The following ABCB1 variants were observed in gnomAD, a reference collection of about 807,000 sequenced individuals.
ABCB1 encodes ATP-dependent translocase ABCB1.
Under a neutral mutation model 142.0 loss-of-function variants are expected in ABCB1, and 69 were observed. The ratio of observed to expected loss-of-function variants is 0.49; its 90% confidence interval spans 0.40 to 0.59. The LOEUF is 0.59. Among genes scored for constraint, ABCB1 ranks in the 20% least tolerant of loss-of-function variants. The probability of loss-of-function intolerance (pLI) is 0.00; values close to 1 mark genes in which losing one functional copy is unlikely to be tolerated. For synonymous variants in ABCB1, 532 were observed against 539.2 expected, an observed-to-expected ratio of 0.99 and a Z score of 0.18; for missense variants, 1,326 against 1,554.7, an observed-to-expected ratio of 0.85 and a Z score of 2.47.
intron 1 of ABCB1, among the ~76,000 whole-genome samples, chr7:87,710,348 AAGTT>A (rs201032768): frequency 0.015 from 2,305 of 152,272 alleles, 26 homozygotes; most frequent in Admixed American, 0.022. Flanking sequence ...AGAGGATAGA[AAGTT>A]AGTTTGACAT....
intron 21 of ABCB1, among the ~76,000 whole-genome samples, chr7:87,529,230 G>GT (rs1266541782): frequency 6.6e-6 from 1 of 152,160 alleles, no homozygotes; most frequent in East Asian, 1.9e-4. Flanking sequence ...TGAATCTTGG[G>GT]TTTCATTATC....
chr7:87,518,285 G>A (rs1448740826), intron 23 of ABCB1, among the ~76,000 whole-genome samples: 3 of 152,164 alleles, frequency 2.0e-5, no homozygotes, highest in Non-Finnish European at 4.4e-5. Flanking sequence ...CTGTTCTTCA[G>A]ACAGGTCTTC....
intron 1 of ABCB1, among the ~76,000 whole-genome samples, chr7:87,693,538 T>C (rs1266517405): frequency 6.6e-6 from 1 of 152,174 alleles, no homozygotes; most frequent in African/African-American, 2.4e-5. Flanking sequence ...AGTTCTGAGG[T>C]GCATCGCCAG....
chr7:87,667,187 G>GTAGAGA (rs1825342710), intron 1 of ABCB1, among the ~76,000 whole-genome samples: 1 of 152,010 alleles, frequency 6.6e-6, no homozygotes, highest in South Asian at 2.1e-4. Context: ...AATTCTCATT[G>GTAGAGA]TAGAGATTTT....
At chr7:87,587,683 A>G (rs1316459199) in intron 3 of ABCB1, among the ~76,000 whole-genome samples, 2 of 152,052 alleles carry the variant, frequency 1.3e-5, no homozygotes, top group Admixed American at 1.3e-4. Flanking sequence ...CATCCTGGCT[A>G]ACACAGTGAA....
intron 1 of ABCB1, among the ~76,000 whole-genome samples, chr7:87,632,135 A>G (rs1821285610): frequency 6.6e-6 from 1 of 151,522 alleles, no homozygotes; most frequent in Non-Finnish European, 1.5e-5. Context: ...AGTCACCAGC[A>G]TATATCATTC....
intron 21 of ABCB1, among the ~76,000 whole-genome samples, chr7:87,523,258 A>T (rs557852126): frequency 1.3e-5 from 2 of 152,312 alleles, no homozygotes; most frequent in African/African-American, 4.8e-5. Flanking sequence ...GACTACAAGC[A>T]CATGGCACTA....
intron 1 of ABCB1, among the ~76,000 whole-genome samples, chr7:87,684,679 C>T (rs1827270174): frequency 7.7e-6 from 1 of 129,174 alleles, no homozygotes; most frequent in South Asian, 2.6e-4. Flanking sequence ...ACCCAGGAGG[C>T]AGAGATTGCA....
Position 87,683,063 on chromosome 7 carries a change from A to T in ABCB1, c.-331+30098T>A, listed in dbSNP as rs568175863. On this transcript the variant is annotated intron_variant, in intron 1 of 28. Coordinates refer to the ABCB1 transcript ENST00000265724. ...TTCACCTTTTTGTTTTATTATTATT[A>T]TTTTTTTATGTACAGAGATGGCTTT... Among the ~76,000 whole-genome samples, 53 of 152,134 alleles carry T rather than the reference A, an allele frequency of 3.5e-4. No homozygotes were observed. In the South Asian group the frequency reaches 7.5e-3, roughly 22 times the overall value.
chr7:87,664,842 T>C (rs1825071896), intron 1 of ABCB1, among the ~76,000 whole-genome samples: 1 of 152,132 alleles, frequency 6.6e-6, no homozygotes, highest in Non-Finnish European at 1.5e-5. Flanking sequence ...GTTCCTAGAT[T>C]TGGGGAAGAT....
rs200792548 is a variant in ABCB1, at chr7:87,515,221, G to T, written c.3282+10C>A. 3 of 1,612,998 alleles carry T rather than the reference G, an allele frequency of 1.9e-6. No homozygotes were observed. Among genetic ancestry groups the T allele is most frequent in the Non-Finnish European group, 2.5e-6 (3 of 1,179,918 alleles). Reference sequence around the variant, plus strand: ...AACCTGAACTGAGCTAAATGTGAAAGTGTGCTCACCACTTTCCCTGCCAAG... The same window carrying T: ...AACCTGAACTGAGCTAAATGTGAAATTGTGCTCACCACTTTCCCTGCCAAG... On this transcript the variant is annotated intron_variant, in intron 25 of 27. Coordinates refer to ENST00000622132, the MANE Select transcript of ABCB1 (RefSeq NM_001348946.2).
chr7:87,570,123 T>C (rs201737215), intron 5 of ABCB1, 49 bp downstream of exon 5: 4 of 1,522,524 alleles, frequency 2.6e-6, no homozygotes, highest in Admixed American at 1.7e-5. Context: ...TTTCTACAAC[T>C]TGATGAATAT....
rs768507751 is a variant in ABCB1 at position 87,516,519 on chromosome 7, C to G, written c.3074G>C (p.Gly1025Ala). 3.1e-6 allele frequency: 5 copies of G among 1,614,156 alleles called. No individual in the cohort carries two copies. The highest frequency in any genetic ancestry group is 1.7e-5 in the Admixed American group (1 of 60,018). Residue 1025 changes from glycine (G) to alanine (A), a missense_variant, in exon 24 of 28, where the codon GGC (glycine) becomes GCC (alanine). Transcript: ENST00000622132. ...AAACATCAAACTCACCGGCATTAGG[C>G]CTTCCGTGCTGTAGCTGTCAATCAA... ...TPLIDSYSTEGLMPNTLEGNV... is the reference protein window; with the variant it reads ...TPLIDSYSTEALMPNTLEGNV...
At chr7:87,584,310 T>G (rs900764076) in intron 4 of ABCB1, among the ~76,000 whole-genome samples, 3 of 152,180 alleles carry the variant, frequency 2.0e-5, no homozygotes, top group African/African-American at 7.2e-5. Flanking sequence ...GGGGAAGCAA[T>G]TCATTGCATT....
At chr7:87,596,846 A>G (rs1297556153) in intron 2 of ABCB1, among the ~76,000 whole-genome samples, 3 of 152,092 alleles carry the variant, frequency 2.0e-5, no homozygotes, top group Non-Finnish European at 2.9e-5. Flanking sequence ...CCCAATTCCC[A>G]GTAAAGGCAT....
upstream of ABCB1, chr7:87,600,927 TCAGCC>T (rs1819429185): frequency 6.6e-6 from 1 of 152,356 alleles, no homozygotes; most frequent in Admixed American, 6.5e-5. Flanking sequence ...GCGGCTGTGC[TCAGCC>T]CACGCCCCGG....
At chr7:87,628,529 G>A in intron 1 of ABCB1, 1 of 280,132 alleles carries the variant, frequency 3.6e-6, no homozygotes, top group Non-Finnish European at 6.6e-6. Context: ...ACGCCGACCC[G>A]CAGGCGCAGC....
intron 3 of ABCB1, among the ~76,000 whole-genome samples, chr7:87,594,394 T>A (rs1295711345): frequency 5.9e-5 from 9 of 152,210 alleles, no homozygotes; most frequent in Admixed American, 5.9e-4. Flanking sequence ...CTACCTCATA[T>A]TAAAGCTCCA....
At chr7:87,554,397 T>A (rs1817226316) in intron 8 of ABCB1, among the ~76,000 whole-genome samples, 1 of 151,680 alleles carries the variant, frequency 6.6e-6, no homozygotes, top group African/African-American at 2.4e-5. Context: ...TTGGAGACAG[T>A]TTGCTCTCTG....
Sources: gnomAD v4.1 joint callset for allele counts (sites outside exome capture counted in the v4.1 genomes callset) on GRCh38, gnomAD v4.1.1 for gene constraint, MANE v1.5 for transcripts, NCBI Gene and HGNC (gene_info 2026-07-23, HGNC 2026-07-21) for gene names.